TMTC1: variants seen among roughly 807,000 people sequenced by gnomAD.
TMTC1 encodes protein O-mannosyl-transferase TMTC1.
In TMTC1, 73 loss-of-function variants were observed where a neutral mutation model predicts 104.8. The observed-to-expected ratio is 0.70, with a 90% CI of 0.58 to 0.85. TMTC1 has a LOEUF of 0.85. Among genes scored for constraint, TMTC1 ranks in the 40% least tolerant of loss-of-function variants. The probability of loss-of-function intolerance (pLI) is 0.00; values close to 1 mark genes in which losing one functional copy is unlikely to be tolerated. For synonymous variants in TMTC1, 434 were observed against 428.7 expected, an observed-to-expected ratio of 1.01 and a Z score of -0.15; for missense variants, 1,035 against 1,096.1, an observed-to-expected ratio of 0.94 and a Z score of 0.79.
chr12:29,575,127 G>A (rs922750793), intron 8 of TMTC1, among the ~76,000 whole-genome samples: 7 of 152,286 alleles, frequency 4.6e-5, no homozygotes, highest in Non-Finnish European at 8.8e-5. Flanking sequence ...GGTAGGGATG[G>A]GACTTGGACC....
intron 15 of TMTC1, among the ~76,000 whole-genome samples, chr12:29,516,013 T>C (rs1943975945): frequency 6.6e-6 from 1 of 151,148 alleles, no homozygotes; most frequent in South Asian, 2.1e-4. Flanking sequence ...AGCATGGTTG[T>C]TATGAGGATT....
At chr12:29,669,716 G>A (rs1170361871) in intron 5 of TMTC1, among the ~76,000 whole-genome samples, 1 of 152,120 alleles carries the variant, frequency 6.6e-6, no homozygotes, top group Non-Finnish European at 1.5e-5. Flanking sequence ...CATCAATTTG[G>A]TATATATAAA....
intron 1 of TMTC1, among the ~76,000 whole-genome samples, chr12:29,778,338 C>T (rs553413691): frequency 6.6e-5 from 10 of 152,128 alleles, no homozygotes; most frequent in South Asian, 4.1e-4. Context: ...AATGGCACTG[C>T]GAACAATTCA....
intron 6 of TMTC1, among the ~76,000 whole-genome samples, chr12:29,617,543 A>AGAGG (rs1281054478): frequency 6.6e-6 from 1 of 151,158 alleles, no homozygotes; most frequent in Non-Finnish European, 1.5e-5. Flanking sequence ...CAACAGAGAG[A>AGAGG]GAGAGAGAGA....
intron 5 of TMTC1, among the ~76,000 whole-genome samples, chr12:29,716,573 T>A (rs1012459300): frequency 9.9e-5 from 15 of 152,116 alleles, no homozygotes; most frequent in Admixed American, 6.5e-4. Flanking sequence ...AATTTAAAAA[T>A]CATACTAATT....
rs34170602 is a variant in TMTC1, at chr12:29,651,902, C to CAA, written c.939-18568_939-18567dup. On this transcript the variant is annotated intron_variant, in intron 5 of 17. Transcript: ENST00000539277. ...AAATAACTGAAGCAAAAAACTTGCCCAAAAAAAAAAAAAATTAGCCATTGA... is the reference window on the plus strand; with the variant it reads ...AAATAACTGAAGCAAAAAACTTGCCCAAAAAAAAAAAAAAAATTAGCCATTGA... Among the ~76,000 whole-genome samples the CAA allele has an allele frequency of 6.6e-3, 945 of 143,174 alleles. 8 individuals carry two copies. The highest frequency in any genetic ancestry group is 0.019 in the African/African-American group (760 of 39,406). The allele number at this position is 143,174 out of a possible 152,430, so 93.9% of individuals were successfully genotyped here. A position where few individuals can be genotyped will look rare whatever the true frequency, so the allele number is the denominator to read the frequency against.
rs912108506 is a variant in TMTC1 at position 29,704,358 on chromosome 12, G to A, written c.938+47308C>T. On this transcript the variant is annotated intron_variant, in intron 5 of 17. Transcript: ENST00000539277. ...AAGTCATGCACCTATAAGGACTAAT[G>A]AATGAACGTATGAATGAACAGATGA... is the stretch of plus-strand genomic sequence containing the variant. 2.0e-5 allele frequency among the ~76,000 whole-genome samples: 3 copies of A among 152,174 alleles called. 1 individual carries two copies. Among genetic ancestry groups the A allele is most frequent in the African/African-American group, 7.2e-5 (3 of 41,440 alleles).
In TMTC1 at chr12:29,550,933, C is replaced by CAAAAAAAAAAAAAA. The variant is rs200605964; in HGVS notation, c.1676+5910_1676+5923dup. On this transcript the variant is annotated intron_variant, in intron 10 of 17. Transcript: ENST00000539277. ...TGGGGGAGAGAGTGGGACTCCATCT[C>CAAAAAAAAAAAAAA]AAAAAAAAAAAAAAAAAAAAAAAAA... Among the ~76,000 whole-genome samples the CAAAAAAAAAAAAAA allele has an allele frequency of 8.3e-5, 9 of 108,318 alleles. 3 individuals carry two copies. The highest frequency in any genetic ancestry group is 3.2e-4 in the African/African-American group (8 of 25,284). The allele number at this position is 108,318 out of a possible 152,430, so 71.1% of individuals were successfully genotyped here.
chr12:29,724,369 T>G (rs1342607595), intron 5 of TMTC1, among the ~76,000 whole-genome samples: 1 of 152,182 alleles, frequency 6.6e-6, no homozygotes, highest in Admixed American at 6.5e-5. Context: ...AAGATACACA[T>G]GCCCTATGAC....
chr12:29,642,508 G>A (rs966365205), intron 5 of TMTC1, among the ~76,000 whole-genome samples: 2 of 151,162 alleles, frequency 1.3e-5, no homozygotes, highest in African/African-American at 2.4e-5. Flanking sequence ...CATATATGAA[G>A]AAAAAAAAGT....
chr12:29,566,146 C>T (rs548719394), intron 9 of TMTC1, among the ~76,000 whole-genome samples: 3 of 151,936 alleles, frequency 2.0e-5, no homozygotes, highest in Admixed American at 6.6e-5. Flanking sequence ...ATGGAGAAGC[C>T]GATGACACAT....
At chr12:29,585,422 T>C (rs1176220607) in intron 7 of TMTC1, among the ~76,000 whole-genome samples, 17 of 152,250 alleles carry the variant, frequency 1.1e-4, no homozygotes, top group Admixed American at 1.1e-3. Context: ...TTTCTTTTGC[T>C]GTGCAGAAGC....
intron 5 of TMTC1, among the ~76,000 whole-genome samples, chr12:29,695,829 A>ATATATATATATATATATATATATATAT (rs71045829): frequency 4.4e-5 from 6 of 136,972 alleles, no homozygotes; most frequent in Non-Finnish European, 6.3e-5. Context: ...ATATATATAT[A>ATATATATATATATATATATATATATAT]ACCTGTCTTC....
chr12:29,678,862 C>T (rs1419385307), intron 5 of TMTC1, among the ~76,000 whole-genome samples: 1 of 151,948 alleles, frequency 6.6e-6, no homozygotes, highest in Non-Finnish European at 1.5e-5. Flanking sequence ...AAAAAAAAAT[C>T]ATGGACTTCC....
chr12:29,728,340 G>A (rs1342300561), intron 5 of TMTC1, among the ~76,000 whole-genome samples: 5 of 152,106 alleles, frequency 3.3e-5, no homozygotes, highest in Admixed American at 2.0e-4. Context: ...AGGAGGCCAC[G>A]CAAACCAGCT....
At chr12:29,708,539 T>A (rs12314231) in intron 5 of TMTC1, among the ~76,000 whole-genome samples, 1 of 152,220 alleles carries the variant, frequency 6.6e-6, no homozygotes, top group African/African-American at 2.4e-5. Flanking sequence ...CTAAAGCCCA[T>A]TGACTCCCAG....
intron 6 of TMTC1, among the ~76,000 whole-genome samples, chr12:29,630,653 C>T (rs1938250082): frequency 1.3e-5 from 2 of 152,190 alleles, no homozygotes; most frequent in South Asian, 2.1e-4. Flanking sequence ...TAATTGATGA[C>T]ACTGAGTTCG....
intron 10 of TMTC1, among the ~76,000 whole-genome samples, chr12:29,553,639 G>C (rs1490904136): frequency 6.6e-6 from 1 of 152,094 alleles, no homozygotes; most frequent in Admixed American, 6.6e-5. Flanking sequence ...TTGTTGATTT[G>C]GATCATCATC....
chr12:29,504,672 G>A lies in TMTC1; in HGVS notation c.*2174C>T, dbSNP rs1329785754. ...GCAGAGAGTTTCCTGAAGGTCATGT[G>A]ATCCTTTACCCTCAGAAACTTTTAG... On this transcript the variant is annotated 3_prime_UTR_variant, in exon 18 of 18. Transcript: ENST00000539277. 1 of 152,170 alleles carries A rather than the reference G, an allele frequency of 6.6e-6. No individual in the cohort carries two copies. Among genetic ancestry groups the A allele is most frequent in the Non-Finnish European group, 1.5e-5 (1 of 68,032 alleles). 9.4% of individuals were successfully genotyped at this position (152,170 alleles called of 1,614,324 possible). A position where few individuals can be genotyped will look rare whatever the true frequency, so the allele number is the denominator to read the frequency against.
Sources: allele counts gnomAD v4.1 joint callset (sites outside exome capture counted in the v4.1 genomes callset), GRCh38; gene constraint gnomAD v4.1.1; transcripts MANE v1.5; gene names NCBI Gene and HGNC (gene_info 2026-07-23, HGNC 2026-07-21).